The following PAX8 variants were observed in gnomAD, a reference collection of about 807,000 sequenced individuals.
PAX8 encodes the protein paired box 8.
In PAX8, 15 loss-of-function variants were observed where a neutral mutation model predicts 52.4. That is an observed-to-expected ratio of 0.29 (90% CI 0.19 to 0.44). PAX8 has a LOEUF of 0.44. Ranked by LOEUF, PAX8 falls within the 20% of genes least tolerant of loss-of-function variation. PAX8 has a pLI of 1.00. For missense variants in PAX8, 554 were observed against 602.5 expected, an observed-to-expected ratio of 0.92 and a Z score of 0.84; for synonymous variants, 284 against 249.7, an observed-to-expected ratio of 1.14 and a Z score of -1.29.
chr2:113,227,837 A>G (rs1228703706), intron 9 of PAX8, among the ~76,000 whole-genome samples: 1 of 152,162 alleles, frequency 6.6e-6, no homozygotes, highest in Admixed American at 6.5e-5. Context: ...GGGCCTTCCA[A>G]GTGGATGCAA....
At chr2:113,256,513 A>G (rs1013555348) in intron 2 of PAX8, among the ~76,000 whole-genome samples, 1 of 152,152 alleles carries the variant, frequency 6.6e-6, no homozygotes, top group African/African-American at 2.4e-5. Flanking sequence ...ACTATCCTTT[A>G]AACTTCTACT....
intron 5 of PAX8, 111 bp downstream of exon 5, chr2:113,242,579 C>G: frequency 1.2e-6 from 1 of 820,126 alleles, no homozygotes; most frequent in Middle Eastern, 2.2e-4. Flanking sequence ...TGGTACTGTG[C>G]ACAGCTATGT....
intron 2 of PAX8, chr2:113,272,406 A>C (rs1424349931): frequency 6.6e-6 from 1 of 152,226 alleles, no homozygotes; most frequent in Admixed American, 6.5e-5. Context: ...GCTTTCAGCA[A>C]CCCAAACAGT....
At chr2:113,262,530 A>C (rs1451541282) in intron 2 of PAX8, among the ~76,000 whole-genome samples, 1 of 152,168 alleles carries the variant, frequency 6.6e-6, no homozygotes. Flanking sequence ...TGGGGACTGA[A>C]ACGGACTAAG....
At chr2:113,218,727 G>A (rs990138474) in intron 11 of PAX8, 118 bp from the exon 12 acceptor site, 5 of 619,120 alleles carry the variant, frequency 8.1e-6, no homozygotes, top group African/African-American at 7.4e-5. Flanking sequence ...TCATTTCTCT[G>A]GCCTATCTGA....
intron 9 of PAX8, among the ~76,000 whole-genome samples, chr2:113,233,978 C>A (rs1390585102): frequency 6.6e-6 from 1 of 152,248 alleles, no homozygotes; most frequent in East Asian, 1.9e-4. Context: ...CCCACCCACG[C>A]ACTGGTCTCT....
chr2:113,236,864 A>G, intron 7 of PAX8, 143 bp from the exon 8 acceptor site: 3 of 944,496 alleles, frequency 3.2e-6, no homozygotes, highest in Non-Finnish European at 4.6e-6. Flanking sequence ...TTACGTTCTC[A>G]ACTCCACTCG....
At chr2:113,241,260 TG>T (rs1268054581) in intron 7 of PAX8, 13 of 540,418 alleles carry the variant, frequency 2.4e-5, no homozygotes, top group Non-Finnish European at 4.0e-5. Context: ...TGTTGCAATC[TG>T]GGAAAGACGC....
In PAX8 at chr2:113,242,743, A is replaced by T. The variant is rs781050169; in HGVS notation, c.425T>A (p.Leu142His). 1 of 1,613,788 alleles carries T rather than the reference A, an allele frequency of 6.2e-7. No individual in the cohort carries two copies. Among genetic ancestry groups the T allele is most frequent in the Admixed American group, 1.7e-5 (1 of 60,000 alleles). Residue 142 changes from leucine (L) to histidine (H), a missense_variant, in exon 5 of 12, where the codon CTC becomes CAC. Physicochemically the swap from Leu to His is moderately conservative, Grantham distance 99 (BLOSUM62 -3). Transcript: ENST00000429538. ...IRTKVQQPFN[L>H]PMDSCVATKS... ...GGTGGCCACGCAGCTGTCCATAGGGAGGTTGAATGGTTGCTGCACTTTGGT... is the reference window on the plus strand; with the variant it reads ...GGTGGCCACGCAGCTGTCCATAGGGTGGTTGAATGGTTGCTGCACTTTGGT...
intron 8 of PAX8, 109 bp downstream of exon 8, chr2:113,236,492 C>T: frequency 7.5e-7 from 1 of 1,329,208 alleles, no homozygotes; most frequent in Non-Finnish European, 1.0e-6. Context: ...CCGGCCGGCA[C>T]AGCCCGCCTC....
intron 10 of PAX8, among the ~76,000 whole-genome samples, chr2:113,222,035 C>A (rs1416748567): frequency 7.2e-5 from 11 of 152,076 alleles, no homozygotes; most frequent in African/African-American, 2.7e-4. Context: ...AAGAAATAAT[C>A]TACTCTAAAC....
chr2:113,247,366 C>T (rs1165334069), intron 2 of PAX8, among the ~76,000 whole-genome samples: 1 of 152,240 alleles, frequency 6.6e-6, no homozygotes. Flanking sequence ...TTTCACCTTT[C>T]TCCTTCTCCT....
At chr2:113,244,001 G>A (rs1558718870) in intron 4 of PAX8, among the ~76,000 whole-genome samples, 1 of 152,222 alleles carries the variant, frequency 6.6e-6, no homozygotes, top group Non-Finnish European at 1.5e-5. Context: ...AATTATGTGT[G>A]AATGAATTAA....
intron 9 of PAX8, 92 bp from the exon 10 acceptor site, chr2:113,227,348 T>A: frequency 9.7e-7 from 1 of 1,030,948 alleles, no homozygotes; most frequent in Non-Finnish European, 1.5e-6. Context: ...CTCCATGCCA[T>A]TCCCACCCTC....
intron 9 of PAX8, 168 bp downstream of exon 9, chr2:113,235,226 C>G (rs908098533): frequency 1.9e-6 from 1 of 515,942 alleles, no homozygotes. Flanking sequence ...CATGTCTTCC[C>G]CGTCACAGAG....
chr2:113,241,189 A>G (rs1690806440), intron 7 of PAX8: 1 of 396,856 alleles, frequency 2.5e-6, no homozygotes, highest in African/African-American at 2.1e-5. Context: ...GGGCTAGGAA[A>G]TAGTGGCTGA....
intron 2 of PAX8, chr2:113,272,185 G>A (rs1371132825): frequency 6.6e-6 from 1 of 152,104 alleles, no homozygotes; most frequent in Non-Finnish European, 1.5e-5. Context: ...CTTGATCTTA[G>A]ACATGCCTCA....
chr2:113,231,854 G>C lies in PAX8; in HGVS notation c.1087+3540C>G, dbSNP rs184558306. Among the ~76,000 whole-genome samples the C allele has an allele frequency of 5.1e-3, 776 of 152,182 alleles. 8 individuals carry two copies. The highest frequency in any genetic ancestry group is 0.018 in the African/African-American group (741 of 41,508). ...AGCAATTCTCCTGCCTCAGCCTCCC[G>C]AGTAGCTGGGATTACAGGCATGTGC... On this transcript the variant is annotated intron_variant, in intron 9 of 11. Coordinates refer to ENST00000429538, the MANE Select transcript of PAX8 (RefSeq NM_003466.4).
At chr2:113,255,054 G>A (rs967916490) in intron 2 of PAX8, among the ~76,000 whole-genome samples, 1 of 147,988 alleles carries the variant, frequency 6.8e-6, no homozygotes, top group African/African-American at 2.5e-5. Flanking sequence ...AAGGGAAGGA[G>A]GAAGGAAGGA....
Sources: allele counts gnomAD v4.1 joint callset (sites outside exome capture counted in the v4.1 genomes callset), GRCh38; gene constraint gnomAD v4.1.1; transcripts MANE v1.5; gene names NCBI Gene and HGNC (gene_info 2026-07-23, HGNC 2026-07-21).